FHOD3: variants seen among roughly 807,000 people sequenced by gnomAD.
The protein encoded by FHOD3 is formin homology 2 domain containing 3, also known as FH1/FH2 domain-containing protein 3.
FHOD3 carries 90 observed loss-of-function variants against 173.0 expected under a neutral mutation model. The observed-to-expected ratio is 0.52, with a 90% CI of 0.44 to 0.62. The LOEUF (loss-of-function observed/expected upper bound fraction) is 0.62, where lower values mean the gene tolerates loss of function less well. FHOD3 is among the 20% of genes least tolerant of loss of function. The pLI is 0.00. For synonymous variants in FHOD3, 828 were observed against 823.0 expected (o/e 1.01, Z -0.10); for missense variants, 1,945 against 2,034.7 (o/e 0.96, Z 0.85).
intron 5 of FHOD3, among the ~76,000 whole-genome samples, chr18:36,517,420 G>A (rs59670989): frequency 0.017 from 2,594 of 152,244 alleles, 69 homozygotes; most frequent in African/African-American, 0.06. Flanking sequence ...GGGGTCCCCT[G>A]CATGGCATGT....
chr18:36,302,738 T>C (rs779981303), intron 1 of FHOD3, among the ~76,000 whole-genome samples: 2 of 152,272 alleles, frequency 1.3e-5, no homozygotes, highest in Non-Finnish European at 2.9e-5. Context: ...TACATTACAT[T>C]AAGATTTTTA....
intron 2 of FHOD3, among the ~76,000 whole-genome samples, chr18:36,356,512 T>A (rs1407956294): frequency 6.6e-6 from 1 of 152,208 alleles, no homozygotes; most frequent in Non-Finnish European, 1.5e-5. Flanking sequence ...TTATTTATTT[T>A]TTGAGACAGA....
intron 8 of FHOD3, 37 bp downstream of exon 8, chr18:36,602,805 T>TA: frequency 6.8e-7 from 1 of 1,480,778 alleles, no homozygotes; most frequent in Non-Finnish European, 9.4e-7. Flanking sequence ...TTGCGTCACC[T>TA]AAAAAGATAT....
intron 3 of FHOD3, among the ~76,000 whole-genome samples, chr18:36,422,187 CAT>C (rs1303138179): frequency 1.3e-5 from 2 of 152,240 alleles, no homozygotes; most frequent in South Asian, 2.1e-4. Flanking sequence ...TTAATTCCCA[CAT>C]GTTTTTGTGG....
intron 5 of FHOD3, among the ~76,000 whole-genome samples, chr18:36,563,034 A>T (rs2058143786): frequency 6.6e-6 from 1 of 152,218 alleles, no homozygotes; most frequent in African/African-American, 2.4e-5. Flanking sequence ...GCATGGGCTC[A>T]GCAACGAGTC....
intron 2 of FHOD3, among the ~76,000 whole-genome samples, chr18:36,358,667 T>A (rs531361473): frequency 7.2e-5 from 11 of 152,208 alleles, no homozygotes; most frequent in Admixed American, 6.5e-4. Flanking sequence ...AAATTTTTTT[T>A]AGAAAAATTT....
chr18:36,744,176 A>G lies in FHOD3; in HGVS notation c.4024A>G (p.Ile1342Val). 1 of 1,613,776 alleles carries G rather than the reference A, an allele frequency of 6.2e-7. No individual in the cohort carries two copies. The highest frequency in any genetic ancestry group is 1.1e-5 in the South Asian group (1 of 91,028). The change falls in exon 23 of 29, where the codon ATC becomes GTC. Residue 1342 changes from isoleucine (I) to valine (V), a missense_variant. By Grantham distance (29) the Ile-to-Val change is conservative. This residue lies in a region of FHOD3 where 231 missense variants were observed against 321.9 expected (regional missense o/e 0.72). Coordinates refer to ENST00000590592, the MANE Select transcript of FHOD3 (RefSeq NM_001281740.3). Reference protein sequence around the residue: ...SSDLYSEIGAITRSAKVDFDQ... With the variant: ...SSDLYSEIGAVTRSAKVDFDQ... ...CGATCTGTACTCGGAGATCGGGGCC[A>G]TCACCAGGTCAGCCAAGGTATGTCT... is the stretch of plus-strand genomic sequence containing the variant.
At chr18:36,590,208 C>G (rs528583083) in intron 6 of FHOD3, among the ~76,000 whole-genome samples, 1 of 151,544 alleles carries the variant, frequency 6.6e-6, no homozygotes, top group African/African-American at 2.4e-5. Flanking sequence ...CTAACATAAG[C>G]GCAAGGGGCA....
rs766348312 is a variant in FHOD3 at position 36,779,492 on chromosome 18, G to T, written c.4831G>T (p.Ala1611Ser). ...KSGLTPEEAR[A>S]LGLVGTSELQ... is the part of the protein sequence containing the mutation. ...CGGCCTGACCCCAGAAGAAGCCAGAGCCCTGGGCTTGGTTGGCACCTCGGA... is the reference window on the plus strand; with the variant it reads ...CGGCCTGACCCCAGAAGAAGCCAGATCCCTGGGCTTGGTTGGCACCTCGGA... The change falls in exon 29 of 29, where the codon GCC becomes TCC. Residue 1611 changes from alanine to serine, a missense_variant. Transcript: ENST00000590592. 1 of 1,614,172 alleles carries T rather than the reference G, an allele frequency of 6.2e-7. No homozygotes were observed. The highest frequency in any genetic ancestry group is 8.5e-7 in the Non-Finnish European group (1 of 1,180,036).
At chr18:36,624,934 G>C (rs1289741358) in intron 9 of FHOD3, among the ~76,000 whole-genome samples, 1 of 152,220 alleles carries the variant, frequency 6.6e-6, no homozygotes, top group Non-Finnish European at 1.5e-5. Context: ...GTGATAGCCT[G>C]ATAGTGCAGC....
chr18:36,339,441 G>A (rs866271832), intron 1 of FHOD3, among the ~76,000 whole-genome samples: 23 of 152,198 alleles, frequency 1.5e-4, no homozygotes, highest in Non-Finnish European at 1.5e-5. Context: ...TGCAGAAGGG[G>A]GCTCTGCACT....
intron 3 of FHOD3, among the ~76,000 whole-genome samples, chr18:36,448,373 A>G (rs1663038131): frequency 6.6e-6 from 1 of 152,154 alleles, no homozygotes. Flanking sequence ...TTTGCATTGT[A>G]TTTTTAAAAT....
chr18:36,397,971 T>A (rs1168786299), intron 3 of FHOD3, among the ~76,000 whole-genome samples: 2 of 152,224 alleles, frequency 1.3e-5, no homozygotes, highest in Non-Finnish European at 2.9e-5. Flanking sequence ...AATTTAGTCA[T>A]GTGGATACAG....
chr18:36,751,680 C>T (rs1032688569), intron 24 of FHOD3, among the ~76,000 whole-genome samples: 1 of 152,134 alleles, frequency 6.6e-6, no homozygotes, highest in Non-Finnish European at 1.5e-5. Flanking sequence ...AGTGTTTTAA[C>T]ATGAAGGGTG....
At position 36,297,847 on chromosome 18, in the gene FHOD3, G is replaced by C. The variant is rs1205138983; in HGVS notation, c.12G>C (p.Leu4=). Residue 4 remains leucine, a synonymous_variant, in exon 1 of 29, where the codon CTG becomes CTC. Coordinates refer to ENST00000590592, the MANE Select transcript of FHOD3 (RefSeq NM_001281740.3). MAT[L]ACRVQFLDDT... ...GGCAGGGATGCATCATGGCCACGCTGGCTTGCCGGGTGCAGTTCTTGGACG... is the reference window on the plus strand; with the variant it reads ...GGCAGGGATGCATCATGGCCACGCTCGCTTGCCGGGTGCAGTTCTTGGACG... 3.3e-6 allele frequency: 5 copies of C among 1,530,344 alleles called. No individual in the cohort carries two copies. The East Asian group carries it at 1.3e-4, about 41-fold the overall frequency. The allele number at this position is 1,530,344 out of a possible 1,614,324, so 94.8% of individuals were successfully genotyped here.
At chr18:36,705,990 T>C (rs1038086005) in intron 17 of FHOD3, among the ~76,000 whole-genome samples, 16 of 135,744 alleles carry the variant, frequency 1.2e-4, no homozygotes, top group Middle Eastern at 3.6e-3. Flanking sequence ...TGTGTGTGTG[T>C]GCACGGAGAG....
At chr18:36,329,302 A>G (rs550416490) in intron 1 of FHOD3, among the ~76,000 whole-genome samples, 1 of 152,166 alleles carries the variant, frequency 6.6e-6, no homozygotes, top group East Asian at 1.9e-4. Flanking sequence ...CGCCCAACGA[A>G]CCACTCTTGT....
chr18:36,632,210 C>T (rs1417350105), intron 10 of FHOD3, among the ~76,000 whole-genome samples: 1 of 152,238 alleles, frequency 6.6e-6, no homozygotes, highest in African/African-American at 2.4e-5. Flanking sequence ...CATTTTCCCA[C>T]ATCATCACTG....
At chr18:36,772,100 T>G (rs777655174) in intron 28 of FHOD3, among the ~76,000 whole-genome samples, 4 of 152,246 alleles carry the variant, frequency 2.6e-5, no homozygotes, top group Non-Finnish European at 5.9e-5. Context: ...TTTCCTATGG[T>G]ATCGTTTTCA....
Sources: gnomAD v4.1 joint callset for allele counts (sites outside exome capture counted in the v4.1 genomes callset) on GRCh38, gnomAD v4.1.1 for gene constraint, gnomAD v4.1.1 regional missense constraint, MANE v1.5 for transcripts, NCBI Gene and HGNC (gene_info 2026-07-23, HGNC 2026-07-21) for gene names.